DCDC1: variants seen among roughly 807,000 people sequenced by gnomAD.
DCDC1 encodes the protein doublecortin domain-containing protein 1.
A neutral mutation model predicts 178.3 loss-of-function variants in DCDC1; 200 were observed. The observed-to-expected ratio is 1.12, with a 90% CI of 1.00 to 1.26. The LOEUF is 1.26. Among genes scored for constraint, DCDC1 ranks in the 50% most tolerant of loss-of-function variants. The pLI is 0.00. For synonymous variants in DCDC1, 690 were observed against 604.8 expected (o/e 1.14, Z -2.07); for missense variants, 1,983 against 1,749.2 (o/e 1.13, Z -2.38).
intron 20 of DCDC1, among the ~76,000 whole-genome samples, chr11:30,967,904 T>C (rs1949534181): frequency 1.3e-5 from 2 of 151,912 alleles, no homozygotes; most frequent in Admixed American, 6.6e-5. Flanking sequence ...CAAGAGCAGT[T>C]AGGTAGAGAA....
chr11:31,333,030 G>T (rs375098525), intron 2 of DCDC1, among the ~76,000 whole-genome samples: 1 of 152,162 alleles, frequency 6.6e-6, no homozygotes, highest in Non-Finnish European at 1.5e-5. Context: ...CTCTTTGTAC[G>T]TCTCTAAGGA....
intron 20 of DCDC1, among the ~76,000 whole-genome samples, chr11:30,996,980 T>C (rs1951309424): frequency 6.6e-6 from 1 of 152,160 alleles, no homozygotes; most frequent in South Asian, 2.1e-4. Flanking sequence ...GATATATCCA[T>C]ATAGTGGAAT....
At chr11:31,309,193 C>T (rs1948629705) in intron 3 of DCDC1, among the ~76,000 whole-genome samples, 1 of 150,566 alleles carries the variant, frequency 6.6e-6, no homozygotes, top group Non-Finnish European at 1.5e-5. Context: ...CACAGTGGAC[C>T]CAGGGGAACT....
At chr11:30,959,788 T>C (rs544799897) in intron 20 of DCDC1, among the ~76,000 whole-genome samples, 2 of 152,238 alleles carry the variant, frequency 1.3e-5, no homozygotes, top group South Asian at 4.1e-4. Context: ...AATAAATCCC[T>C]TTCCTTTCCT....
At chr11:31,161,539 T>C (rs1966313078) in intron 9 of DCDC1, among the ~76,000 whole-genome samples, 1 of 152,162 alleles carries the variant, frequency 6.6e-6, no homozygotes, top group Non-Finnish European at 1.5e-5. Context: ...GATGCGGTAT[T>C]GATCAGAAAA....
At chr11:31,315,733 C>G (rs1409327509) in intron 3 of DCDC1, among the ~76,000 whole-genome samples, 2 of 117,882 alleles carry the variant, frequency 1.7e-5, no homozygotes, top group Admixed American at 1.8e-4. Context: ...TATACATGTG[C>G]CATGCTGGTG....
intron 4 of DCDC1, chr11:31,307,390 T>C: frequency 2.0e-6 from 1 of 489,780 alleles, no homozygotes; most frequent in Non-Finnish European, 3.6e-6. Flanking sequence ...GATCCTAGCC[T>C]GATTCTGCTT....
intron 3 of DCDC1, among the ~76,000 whole-genome samples, chr11:31,326,450 A>C (rs1949653302): frequency 6.6e-6 from 1 of 152,194 alleles, no homozygotes; most frequent in South Asian, 2.1e-4. Context: ...GAAGTAGAAA[A>C]TTGGAAATAA....
chr11:30,879,805 TG>T (rs780807364), intron 37 of DCDC1, among the ~76,000 whole-genome samples: 1 of 152,136 alleles, frequency 6.6e-6, no homozygotes, highest in Non-Finnish European at 1.5e-5. Context: ...TCTTTGTCGT[TG>T]GATACCCTTT....
chr11:30,935,244 G>T (rs181165673), intron 21 of DCDC1, among the ~76,000 whole-genome samples: 136 of 152,294 alleles, frequency 8.9e-4, no homozygotes, highest in African/African-American at 3.1e-3. Context: ...AAATTGGGTA[G>T]TCCATCATAC....
intron 20 of DCDC1, among the ~76,000 whole-genome samples, chr11:30,980,106 G>C (rs1338317370): frequency 9.9e-5 from 15 of 152,122 alleles, no homozygotes; most frequent in African/African-American, 3.6e-4. Context: ...TTTCTACTAG[G>C]CTGTAATCTA....
chr11:30,950,242 T>G (rs1198004038), intron 21 of DCDC1, among the ~76,000 whole-genome samples: 2 of 152,164 alleles, frequency 1.3e-5, no homozygotes, highest in African/African-American at 4.8e-5. Context: ...CCTACACTGT[T>G]GGTGGGAATG....
intron 20 of DCDC1, among the ~76,000 whole-genome samples, chr11:31,028,842 G>A (rs1953431583): frequency 6.6e-6 from 1 of 151,896 alleles, no homozygotes; most frequent in Non-Finnish European, 1.5e-5. Context: ...CTAAAACTGT[G>A]GCAAACTAAA....
chr11:31,299,419 G>A (rs1430760187), intron 6 of DCDC1, among the ~76,000 whole-genome samples: 1 of 151,890 alleles, frequency 6.6e-6, no homozygotes, highest in African/African-American at 2.4e-5. Flanking sequence ...ATAAGTTATG[G>A]CAGCTTAAAG....
At chr11:30,920,255 G>GTT (rs1327406674) in intron 25 of DCDC1, among the ~76,000 whole-genome samples, 1 of 152,152 alleles carries the variant, frequency 6.6e-6, no homozygotes, top group Non-Finnish European at 1.5e-5. Context: ...AGATGAATAG[G>GTT]TTTTTCTGTC....
At chr11:31,021,421 T>C (rs576277998) in intron 20 of DCDC1, among the ~76,000 whole-genome samples, 1 of 152,314 alleles carries the variant, frequency 6.6e-6, no homozygotes, top group Admixed American at 6.5e-5. Flanking sequence ...GCACATTTTG[T>C]GTACTGATAC....
intron 21 of DCDC1, among the ~76,000 whole-genome samples, chr11:30,941,801 G>C (rs163856): frequency 0.062 from 9,482 of 152,032 alleles, 955 homozygotes; most frequent in African/African-American, 0.22. Context: ...CTAATCATGA[G>C]GCACAAATTT....
intron 18 of DCDC1, among the ~76,000 whole-genome samples, chr11:31,070,932 C>T (rs1032968979): frequency 6.6e-6 from 1 of 152,188 alleles, no homozygotes; most frequent in Non-Finnish European, 1.5e-5. Flanking sequence ...GATACTCTAC[C>T]TACTCTTGGT....
intron 1 of DCDC1, among the ~76,000 whole-genome samples, chr11:31,348,249 C>T (rs978567592): frequency 1.3e-5 from 2 of 152,064 alleles, no homozygotes; most frequent in African/African-American, 4.8e-5. Flanking sequence ...ATTGAATATT[C>T]GAACTCACAT....
Sources: allele counts gnomAD v4.1 joint callset (sites outside exome capture counted in the v4.1 genomes callset), GRCh38; gene constraint gnomAD v4.1.1; transcripts MANE v1.5; gene names NCBI Gene and HGNC (gene_info 2026-07-23, HGNC 2026-07-21).